SUPT3H: variants seen among roughly 807,000 people sequenced by gnomAD.
The protein encoded by SUPT3H is transcription initiation protein SPT3 homolog.
A neutral mutation model predicts 44.3 loss-of-function variants in SUPT3H; 44 were observed. The ratio of observed to expected loss-of-function variants is 0.99; its 90% CI spans 0.78 to 1.28. SUPT3H has a LOEUF of 1.28. Among genes scored for constraint, SUPT3H ranks in the 50% most tolerant of loss-of-function variants. The pLI, the probability that SUPT3H is intolerant of heterozygous loss-of-function variation, is 0.00. For synonymous variants in SUPT3H, 124 were observed against 125.6 expected (o/e 0.99, Z 0.09); for missense variants, 380 against 387.1 (o/e 0.98, Z 0.15).
intron 2 of SUPT3H, among the ~76,000 whole-genome samples, chr6:45,230,536 T>G (rs1479509176): frequency 7.1e-6 from 1 of 140,612 alleles, no homozygotes; most frequent in Non-Finnish European, 1.5e-5. Context: ...TCTGCTCACT[T>G]TTGGTTTCTG....
Position 45,148,875 on chromosome 6 carries a change from T to C in SUPT3H, c.102-42869A>G, listed in dbSNP as rs140358636. Among the ~76,000 whole-genome samples the C allele has an allele frequency of 5.3e-5, 8 of 152,300 alleles. No homozygotes were observed. The East Asian group carries it at 1.5e-3, about 29-fold the overall frequency. On this transcript the variant is annotated intron_variant, in intron 2 of 10. Coordinates refer to ENST00000371459, the MANE Select transcript of SUPT3H (RefSeq NM_003599.4). ...CATTGTGTAATTCTGAAATGCATGC[T>C]GACTTGTAGGAGCAAATATGTTGCA...
intron 5 of SUPT3H, among the ~76,000 whole-genome samples, chr6:45,006,400 T>C (rs560983798): frequency 7.9e-5 from 12 of 152,218 alleles, no homozygotes; most frequent in Non-Finnish European, 1.5e-4. Flanking sequence ...GGTTTGGCCA[T>C]GTTGATAGTC....
intron 10 of SUPT3H, among the ~76,000 whole-genome samples, chr6:44,854,863 G>C (rs1173305906): frequency 1.3e-5 from 2 of 152,100 alleles, no homozygotes; most frequent in Non-Finnish European, 2.9e-5. Context: ...TCAAATACCT[G>C]AAGGACTATC....
intron 2 of SUPT3H, among the ~76,000 whole-genome samples, chr6:45,355,438 A>T (rs1404167059): frequency 6.6e-6 from 1 of 152,056 alleles, no homozygotes; most frequent in Non-Finnish European, 1.5e-5. Flanking sequence ...CCTACCCATA[A>T]AATTTCCAGG....
chr6:45,004,985 C>T (rs1208371215), intron 5 of SUPT3H, among the ~76,000 whole-genome samples: 2 of 152,114 alleles, frequency 1.3e-5, no homozygotes, highest in Admixed American at 1.3e-4. Context: ...AGGGGAAATG[C>T]AGTAATGAAC....
chr6:45,221,386 A>AATG (rs1554291390), intron 2 of SUPT3H, among the ~76,000 whole-genome samples: 1 of 146,700 alleles, frequency 6.8e-6, no homozygotes, highest in Non-Finnish European at 1.5e-5. Context: ...ATATAATAAT[A>AATG]AGAGTGAAAT....
intron 2 of SUPT3H, among the ~76,000 whole-genome samples, chr6:45,303,671 TAAAA>T (rs36119324): frequency 1.6e-3 from 186 of 113,046 alleles, no homozygotes; most frequent in African/African-American, 5.8e-3. Context: ...ATTCTAGAAG[TAAAA>T]AAAAAAAAAA....
chr6:44,941,872 T>C (rs1488186264), intron 9 of SUPT3H, among the ~76,000 whole-genome samples: 3 of 152,120 alleles, frequency 2.0e-5, no homozygotes, highest in Non-Finnish European at 4.4e-5. Context: ...AAACTCAAAA[T>C]ATAGCAAAAG....
chr6:45,153,485 AGAAACT>A (rs1418241539), intron 2 of SUPT3H, among the ~76,000 whole-genome samples: 24 of 152,242 alleles, frequency 1.6e-4, no homozygotes, highest in African/African-American at 5.3e-4. Flanking sequence ...AACAAGGAAA[AGAAACT>A]GATGACTCAA....
At chr6:44,941,795 G>A (rs561341053) in intron 9 of SUPT3H, among the ~76,000 whole-genome samples, 1 of 152,094 alleles carries the variant, frequency 6.6e-6, no homozygotes, top group South Asian at 2.1e-4. Flanking sequence ...TGAGTGTAGA[G>A]ATTTTATTAT....
At chr6:45,107,976 G>C (rs774545971) in intron 2 of SUPT3H, among the ~76,000 whole-genome samples, 1 of 151,930 alleles carries the variant, frequency 6.6e-6, no homozygotes, top group Non-Finnish European at 1.5e-5. Context: ...AAATAGAAAT[G>C]AAAAATATAA....
chr6:45,366,894 T>C (rs1435669055), intron 1 of SUPT3H, among the ~76,000 whole-genome samples: 1 of 152,170 alleles, frequency 6.6e-6, no homozygotes, highest in Non-Finnish European at 1.5e-5. Flanking sequence ...ATCTTCTATC[T>C]CCATCTCAGT....
rs549826746 is a variant in SUPT3H at position 45,262,335 on chromosome 6, T to C, written c.101+102866A>G. ...AGATACACAGACCAACAGAACAGAA[T>C]AGAGAACCCAGAAATAAACCCAAGC... On this transcript the variant is annotated intron_variant, in intron 2 of 10. Coordinates refer to ENST00000371459, the MANE Select transcript of SUPT3H (RefSeq NM_003599.4). Among the ~76,000 whole-genome samples the C allele has an allele frequency of 2.6e-5, 4 of 151,974 alleles. No homozygotes were observed. The South Asian group carries it at 6.2e-4, about 24-fold the overall frequency.
At chr6:44,997,610 T>C (rs1032159037) in intron 6 of SUPT3H, among the ~76,000 whole-genome samples, 6 of 151,916 alleles carry the variant, frequency 3.9e-5, no homozygotes, top group African/African-American at 9.7e-5. Flanking sequence ...AATTATGTTA[T>C]CTGTACATAA....
intron 2 of SUPT3H, among the ~76,000 whole-genome samples, chr6:45,125,274 T>C: frequency 6.6e-6 from 1 of 152,212 alleles, no homozygotes; most frequent in African/African-American, 2.4e-5. Flanking sequence ...TGTCATCATT[T>C]AATGAACAAA....
At chr6:45,312,494 G>A (rs768046895) in intron 2 of SUPT3H, among the ~76,000 whole-genome samples, 19 of 137,270 alleles carry the variant, frequency 1.4e-4, no homozygotes, top group Non-Finnish European at 2.3e-4. Context: ...CAGCCTGGAC[G>A]ACAGAGTGAG....
At chr6:45,176,907 A>C (rs1812034521) in intron 2 of SUPT3H, among the ~76,000 whole-genome samples, 1 of 97,450 alleles carries the variant, frequency 1.0e-5, no homozygotes, top group Admixed American at 9.5e-5. Context: ...TCCACACCAA[A>C]AACCCATCTG....
intron 2 of SUPT3H, among the ~76,000 whole-genome samples, chr6:45,139,732 A>T (rs779888199): frequency 7.2e-5 from 11 of 152,194 alleles, no homozygotes; most frequent in Non-Finnish European, 1.6e-4. Flanking sequence ...AGAGTCTTGC[A>T]GGCACTCCCA....
chr6:45,324,629 T>G (rs1391953865), intron 2 of SUPT3H, among the ~76,000 whole-genome samples: 8 of 150,596 alleles, frequency 5.3e-5, no homozygotes, highest in Admixed American at 4.6e-4. Context: ...GAGAGAGAGA[T>G]AGGGAGAGGG....
Sources: gnomAD v4.1 joint callset for allele counts (sites outside exome capture counted in the v4.1 genomes callset) on GRCh38, gnomAD v4.1.1 for gene constraint, MANE v1.5 for transcripts, NCBI Gene and HGNC (gene_info 2026-07-23, HGNC 2026-07-21) for gene names.